DNMBP: variants seen among roughly 807,000 people sequenced by gnomAD.
DNMBP encodes the protein dynamin-binding protein.
Under a neutral mutation model 150.0 loss-of-function variants are expected in DNMBP, and 87 were observed. The ratio of observed to expected loss-of-function variants is 0.58; its 90% CI spans 0.49 to 0.69. The LOEUF (loss-of-function observed/expected upper bound fraction) is 0.69, where lower values mean the gene tolerates loss of function less well. Among genes scored for constraint, DNMBP ranks in the 30% least tolerant of loss-of-function variants. The pLI is 0.00. For synonymous variants in DNMBP, 711 were observed against 750.4 expected (o/e 0.95, Z 0.86); for missense variants, 1,774 against 1,949.0 (o/e 0.91, Z 1.69).
At chr10:99,992,610 T>C (rs1473194720) in intron 1 of DNMBP, among the ~76,000 whole-genome samples, 2 of 148,130 alleles carry the variant, frequency 1.4e-5, no homozygotes, top group African/African-American at 5.0e-5. Context: ...CACTGCAAGC[T>C]CCACCTCCTG....
At position 99,898,212 on chromosome 10, in the gene DNMBP, A is replaced by C. The variant is rs201346557; in HGVS notation, c.2794T>G (p.Leu932Val). 8 of 1,613,976 alleles carry C rather than the reference A, an allele frequency of 5.0e-6. No homozygotes were observed. In the African/African-American group the frequency reaches 1.1e-4, roughly 22 times the overall value. Residue 932 changes from leucine (L) to valine (V), a missense_variant, in exon 9 of 17, where the codon TTG (leucine) becomes GTG (valine). By Grantham distance (32) the Leu-to-Val change is conservative. Coordinates refer to ENST00000324109, the MANE Select transcript of DNMBP (RefSeq NM_015221.4). ...PVQRVMRYPLLLMELLNSTPE... is the reference protein window; with the variant it reads ...PVQRVMRYPLVLMELLNSTPE... ...GTGGAATTCAGCAACTCCATTAGCA[A>C]CAGCGGGTAACGCATTACTCTCTGT...
At chr10:99,985,233 C>A (rs1198822471) in intron 1 of DNMBP, among the ~76,000 whole-genome samples, 1 of 152,128 alleles carries the variant, frequency 6.6e-6, no homozygotes, top group Non-Finnish European at 1.5e-5. Context: ...AACATTTGAG[C>A]ACCATGGAAA....
intron 1 of DNMBP, among the ~76,000 whole-genome samples, chr10:100,005,347 C>G (rs947391989): frequency 6.6e-6 from 1 of 152,170 alleles, no homozygotes; most frequent in Non-Finnish European, 1.5e-5. Context: ...AGTAACCACT[C>G]ACTACACAGA....
chr10:99,928,868 CAATGGTGGCTTACACTTGT>C (rs2040112204), intron 4 of DNMBP, among the ~76,000 whole-genome samples: 1 of 151,976 alleles, frequency 6.6e-6, no homozygotes, highest in African/African-American at 2.4e-5. Context: ...GAAGGCCTGG[CAATGGTGGCTTACACTTGT>C]AATCCCAGTA....
At chr10:99,886,913 A>C (rs1263303215) in intron 12 of DNMBP, among the ~76,000 whole-genome samples, 5 of 152,176 alleles carry the variant, frequency 3.3e-5, no homozygotes, top group African/African-American at 1.2e-4. Context: ...GATAAATGCT[A>C]AGCTGCACAC....
intron 4 of DNMBP, among the ~76,000 whole-genome samples, chr10:99,917,672 GAA>G: frequency 6.6e-6 from 1 of 152,244 alleles, no homozygotes; most frequent in Non-Finnish European, 1.5e-5. Flanking sequence ...ATAAATGGAT[GAA>G]GAAAATAGGG....
In DNMBP at chr10:99,955,979, G is replaced by A; in HGVS notation, c.1495C>T (p.Leu499Phe). ...VVKPRQSSPQLHNLASYTKKH... is the reference protein window; with the variant it reads ...VVKPRQSSPQFHNLASYTKKH... ...TTAGTATAACTTGCTAGGTTGTGGA[G>A]CTGAGGACTTGATTGTCTGGGTTTG... The change falls in exon 4 of 17, where the codon CTC becomes TTC. Residue 499 changes from leucine (L) to phenylalanine (F), a missense_variant. Physicochemically the swap from Leu to Phe is conservative, Grantham distance 22 (BLOSUM62 0). This residue lies in a region of DNMBP where 1,430 missense variants were observed against 1,492.5 expected (regional missense o/e 0.96). Transcript: ENST00000324109. 6.2e-7 allele frequency: 1 copy of A among 1,614,202 alleles called. No homozygotes were observed. Among genetic ancestry groups the A allele is most frequent in the Non-Finnish European group, 8.5e-7 (1 of 1,180,044 alleles).
chr10:99,890,585 G>C lies in DNMBP; in HGVS notation c.3157-1632C>G, dbSNP rs139522733. ...AACAGAGGGATATCAGCATGAGAGG[G>C]ATATTAGGGGAAAGTCCTATGAAGC... On this transcript the variant is annotated intron_variant, in intron 11 of 16. Transcript: ENST00000324109. Among the ~76,000 whole-genome samples, 4 of 152,282 alleles carry C rather than the reference G, an allele frequency of 2.6e-5. No homozygotes were observed. In the East Asian group the frequency reaches 7.7e-4, roughly 29 times the overall value.
intron 4 of DNMBP, among the ~76,000 whole-genome samples, chr10:99,940,782 TATC>T (rs2040288390): frequency 6.6e-6 from 1 of 152,180 alleles, no homozygotes. Flanking sequence ...TGCATCCCAA[TATC>T]ATCCCTTCAG....
Position 99,956,622 on chromosome 10 carries a change from G to C in DNMBP, c.852C>G (p.Ser284=). The C allele has an allele frequency of 6.2e-7, 1 of 1,614,006 alleles. No homozygotes were observed. ...GAAAGATGCCTGTCCTGCCCTTCAG[G>C]GATCCTTCCAGCCAGCCATCTTCCA... ...ATLEDGWLEG[S]LKGRTGIFPY... The change falls in exon 4 of 17, where the codon TCC becomes TCG. Residue 284 remains serine, a synonymous_variant. Coordinates refer to ENST00000324109, the MANE Select transcript of DNMBP (RefSeq NM_015221.4).
At chr10:99,987,370 C>T (rs1179618357) in intron 1 of DNMBP, among the ~76,000 whole-genome samples, 1 of 152,002 alleles carries the variant, frequency 6.6e-6, no homozygotes, top group Non-Finnish European at 1.5e-5. Context: ...AATAATATAT[C>T]CACATGAAAA....
intron 16 of DNMBP, among the ~76,000 whole-genome samples, chr10:99,878,553 C>T (rs910637591): frequency 3.3e-5 from 5 of 152,162 alleles, no homozygotes; most frequent in African/African-American, 4.8e-5. Flanking sequence ...GCACAAAGCT[C>T]GGCTATGGCA....
intron 14 of DNMBP, 65 bp from the exon 15 acceptor site, chr10:99,884,274 C>A: frequency 7.2e-7 from 1 of 1,394,866 alleles, no homozygotes; most frequent in Non-Finnish European, 1.0e-6. Flanking sequence ...TATTTCATCC[C>A]AACATGTGGC....
At chr10:99,898,371 A>G in intron 8 of DNMBP, 86 bp from the exon 9 acceptor site, 2 of 1,184,980 alleles carry the variant, frequency 1.7e-6, no homozygotes, top group East Asian at 4.9e-5. Context: ...ACCTTAAAAA[A>G]AACTTTTTTT....
At chr10:99,883,622 C>T (rs1008727790) in intron 15 of DNMBP, among the ~76,000 whole-genome samples, 13 of 99,026 alleles carry the variant, frequency 1.3e-4, no homozygotes, top group Non-Finnish European at 2.1e-4. Context: ...GCCTGGATAA[C>T]AGAGCAAGAC....
At chr10:100,001,259 A>G (rs1214219546) in intron 1 of DNMBP, among the ~76,000 whole-genome samples, 1 of 135,040 alleles carries the variant, frequency 7.4e-6, no homozygotes, top group Non-Finnish European at 1.6e-5. Context: ...AAAAAAAAAA[A>G]AAAAAAAAAA....
chr10:99,947,744 CTATTT>C (rs2040374222), intron 4 of DNMBP, among the ~76,000 whole-genome samples: 1 of 152,248 alleles, frequency 6.6e-6, no homozygotes, highest in African/African-American at 2.4e-5. Flanking sequence ...AAATAAAATT[CTATTT>C]TAAGAGTAAT....
chr10:99,950,651 T>C (rs183612351), intron 4 of DNMBP, among the ~76,000 whole-genome samples: 3 of 152,326 alleles, frequency 2.0e-5, no homozygotes, highest in Admixed American at 2.0e-4. Flanking sequence ...AAGAGACTGG[T>C]AGCATTTTGC....
In DNMBP at chr10:99,956,844, C is replaced by T; in HGVS notation, c.630G>A (p.Glu210=). 1.2e-6 allele frequency: 2 copies of T among 1,614,188 alleles called. No homozygotes were observed. Among genetic ancestry groups the T allele is most frequent in the Non-Finnish European group, 1.7e-6 (2 of 1,180,034 alleles). The change falls in exon 4 of 17, where the codon GAG becomes GAA. Residue 210 remains glutamate, a synonymous_variant. Coordinates refer to ENST00000324109, the MANE Select transcript of DNMBP (RefSeq NM_015221.4). Reference sequence around the variant, plus strand: ...CATCTTGATTTCCAGAACTTACTGACTCATCCACAGTCCTCAGGGGCCCCA... The same window carrying T: ...CATCTTGATTTCCAGAACTTACTGATTCATCCACAGTCCTCAGGGGCCCCA... The part of the protein sequence containing the change: ...ELLGPLRTVD[E]SVSSGNQDDC...
Sources: allele counts gnomAD v4.1 joint callset (sites outside exome capture counted in the v4.1 genomes callset), GRCh38; gene constraint gnomAD v4.1.1; regional missense constraint gnomAD v4.1.1; transcripts MANE v1.5; gene names NCBI Gene and HGNC (gene_info 2026-07-23, HGNC 2026-07-21).